Variants in GTF2IRD1 observed in about 807,000 individuals in gnomAD.
GTF2IRD1 encodes GTF2I repeat domain containing 1, also known as general transcription factor II-I repeat domain-containing protein 1.
GTF2IRD1 carries 26 observed loss-of-function variants against 113.2 expected under a neutral mutation model. The observed-to-expected ratio is 0.23, with a 90% confidence interval of 0.17 to 0.32. The LOEUF (loss-of-function observed/expected upper bound fraction) is 0.32, where lower values mean the gene tolerates loss of function less well. Among genes scored for constraint, GTF2IRD1 ranks in the 10% least tolerant of loss-of-function variants. The pLI is 1.00. For synonymous variants in GTF2IRD1, 484 were observed against 529.1 expected (o/e 0.91, Z 1.17); for missense variants, 864 against 1,280.8 (o/e 0.67, Z 4.97).
intron 22 of GTF2IRD1, among the ~76,000 whole-genome samples, chr7:74,578,712 A>C (rs587658924): frequency 6.6e-6 from 1 of 152,160 alleles, no homozygotes; most frequent in East Asian, 1.9e-4. Flanking sequence ...ATTAACACTT[A>C]TAGCCGGGCA....
At chr7:74,525,377 T>C (rs1797540817) in intron 8 of GTF2IRD1, among the ~76,000 whole-genome samples, 1 of 152,148 alleles carries the variant, frequency 6.6e-6, no homozygotes, top group Non-Finnish European at 1.5e-5. Flanking sequence ...GGGCCAGGAC[T>C]GCACCCAACC....
intron 12 of GTF2IRD1, 23 bp downstream of exon 12, chr7:74,538,196 G>A (rs1382151853): frequency 9.9e-6 from 16 of 1,609,670 alleles, no homozygotes; most frequent in Non-Finnish European, 1.3e-5. Flanking sequence ...AGGGCCCGCT[G>A]TGTGTGTGGT....
At chr7:74,592,539 CTTT>C in intron 24 of GTF2IRD1, among the ~76,000 whole-genome samples, 1 of 143,110 alleles carries the variant, frequency 7.0e-6, no homozygotes, top group East Asian at 2.1e-4. Context: ...TTCTTTCTTT[CTTT>C]TTTTTTTTTA....
At chr7:74,534,515 T>C (rs782022605) in intron 9 of GTF2IRD1, among the ~76,000 whole-genome samples, 4 of 151,916 alleles carry the variant, frequency 2.6e-5, no homozygotes, top group Non-Finnish European at 5.9e-5. Flanking sequence ...GGGAGGAGAA[T>C]CCCTTGAACC....
chr7:74,470,371 A>G (rs1280977314), intron 1 of GTF2IRD1, among the ~76,000 whole-genome samples: 5 of 152,078 alleles, frequency 3.3e-5, no homozygotes, highest in African/African-American at 1.2e-4. Flanking sequence ...AAGTCCGTTC[A>G]TTTTCGTCAC....
intron 8 of GTF2IRD1, among the ~76,000 whole-genome samples, chr7:74,528,985 G>GGATGGATGGATGGATA (rs1240561988): frequency 1.3e-5 from 2 of 148,814 alleles, no homozygotes; most frequent in African/African-American, 5.1e-5. Context: ...ATGGATGGAT[G>GGATGGATGGATGGATA]GATAGACGGA....
chr7:74,583,371 C>CTT (rs1168890388), intron 22 of GTF2IRD1, among the ~76,000 whole-genome samples: 93 of 122,268 alleles, frequency 7.6e-4, no homozygotes, highest in Non-Finnish European at 1.1e-3. Context: ...CTTTTTTTTT[C>CTT]TTTTTTTTTT....
chr7:74,559,371 C>T (rs1170715765), intron 21 of GTF2IRD1, among the ~76,000 whole-genome samples: 2 of 152,214 alleles, frequency 1.3e-5, no homozygotes, highest in East Asian at 3.8e-4. Context: ...GCCCAAGGTC[C>T]CGGGGCCAGC....
chr7:74,520,837 A>T (rs587605520), intron 6 of GTF2IRD1, among the ~76,000 whole-genome samples: 9 of 106,508 alleles, frequency 8.5e-5, no homozygotes, highest in African/African-American at 2.9e-4. Context: ...TGTAAGTTAT[A>T]TATACTATTA....
At chr7:74,471,688 A>C (rs868972880) in intron 1 of GTF2IRD1, among the ~76,000 whole-genome samples, 2,456 of 68,618 alleles carry the variant, frequency 0.036, 68 homozygotes, top group African/African-American at 0.11. Flanking sequence ...AAAAAAAAAA[A>C]ACAAAAAAAA....
At chr7:74,502,161 ACTT>A (rs2129880477) in intron 1 of GTF2IRD1, among the ~76,000 whole-genome samples, 1 of 152,216 alleles carries the variant, frequency 6.6e-6, no homozygotes, top group South Asian at 2.1e-4. Flanking sequence ...CTGGTCTTGA[ACTT>A]CTGGCCTCAA....
chr7:74,561,977 G>A (rs1799992120), intron 22 of GTF2IRD1, among the ~76,000 whole-genome samples: 1 of 152,156 alleles, frequency 6.6e-6, no homozygotes, highest in Non-Finnish European at 1.5e-5. Context: ...GGACCTGCCA[G>A]CCCCTTTCCA....
intron 13 of GTF2IRD1, among the ~76,000 whole-genome samples, chr7:74,539,145 C>T (rs1554351034): frequency 6.6e-6 from 1 of 152,146 alleles, no homozygotes; most frequent in African/African-American, 2.4e-5. Flanking sequence ...TACGGGGTGA[C>T]TGTTAGAAGC....
At chr7:74,472,536 C>T (rs529227061) in intron 1 of GTF2IRD1, among the ~76,000 whole-genome samples, 4 of 152,208 alleles carry the variant, frequency 2.6e-5, no homozygotes, top group African/African-American at 4.8e-5. Context: ...CACTTGAGGT[C>T]GGGAGTTCGA....
chr7:74,550,205 A>G (rs1354726223), intron 17 of GTF2IRD1, among the ~76,000 whole-genome samples: 4 of 152,092 alleles, frequency 2.6e-5, no homozygotes, highest in African/African-American at 4.8e-5. Context: ...AAAAAAATAA[A>G]AAGGGAAGAT....
Position 74,492,147 on chromosome 7 carries a change from G to A in GTF2IRD1, c.-6-15928G>A, listed in dbSNP as rs191470611. Among the ~76,000 whole-genome samples, 61 of 151,852 alleles carry A rather than the reference G, an allele frequency of 4.0e-4. No homozygotes were observed. In the East Asian group the frequency reaches 6.0e-3, roughly 15 times the overall value. Reference sequence around the variant, plus strand: ...GCCTCCCGAGTAGCTGGGATTACAGGCACACACTACCATTCCCGGCTAATT... The same window carrying A: ...GCCTCCCGAGTAGCTGGGATTACAGACACACACTACCATTCCCGGCTAATT... On this transcript the variant is annotated intron_variant, in intron 1 of 26. Coordinates refer to ENST00000424337, the MANE Select transcript of GTF2IRD1 (RefSeq NM_005685.4).
At chr7:74,526,164 G>A (rs1475115237) in intron 8 of GTF2IRD1, among the ~76,000 whole-genome samples, 1 of 152,236 alleles carries the variant, frequency 6.6e-6, no homozygotes, top group Non-Finnish European at 1.5e-5. Flanking sequence ...GGAGGGTTCT[G>A]CCCAGGCCAG....
chr7:74,514,171 T>G (rs965232159), intron 3 of GTF2IRD1, among the ~76,000 whole-genome samples: 10 of 152,120 alleles, frequency 6.6e-5, no homozygotes, highest in African/African-American at 2.2e-4. Flanking sequence ...GGCACTTGGT[T>G]CACACTCAAT....
At chr7:74,456,780 C>T (rs782353895) in intron 1 of GTF2IRD1, among the ~76,000 whole-genome samples, 6 of 152,072 alleles carry the variant, frequency 3.9e-5, no homozygotes, top group Non-Finnish European at 8.8e-5. Context: ...CCTCTTCTCT[C>T]GAAGGTTCTT....
Sources: allele counts gnomAD v4.1 joint callset (sites outside exome capture counted in the v4.1 genomes callset), GRCh38; gene constraint gnomAD v4.1.1; transcripts MANE v1.5; gene names NCBI Gene and HGNC (gene_info 2026-07-23, HGNC 2026-07-21).